Variants in VAPB observed in about 807,000 individuals in gnomAD.
VAPB encodes vesicle-associated membrane protein-associated protein B/C.
A neutral mutation model predicts 25.6 loss-of-function variants in VAPB; 7 were observed. That is an observed-to-expected ratio of 0.27 (90% confidence interval 0.16 to 0.51). The LOEUF (loss-of-function observed/expected upper bound fraction) is 0.51. VAPB is among the 20% of genes least tolerant of loss of function. The pLI is 0.97. For missense variants in VAPB, 266 were observed against 301.3 expected, an observed-to-expected ratio of 0.88 and a Z score of 0.87; for synonymous variants, 112 against 109.2, an observed-to-expected ratio of 1.03 and a Z score of -0.16.
rs1305605443 is a variant in VAPB, at chr20:58,448,250, G to A, written c.*4015G>A. ...CATAAGGCCAACGACCACTCTTCTG[G>A]AACACCAAGAGCAGCTCTGAGATCA... On this transcript the variant is annotated 3_prime_UTR_variant, in exon 6 of 6. Transcript: ENST00000475243. 2.2e-6 allele frequency: 1 copy of A among 453,870 alleles called. No homozygotes were observed. The highest frequency in any genetic ancestry group is 6.9e-5 in the East Asian group (1 of 14,404). The allele number at this position is 453,870 out of a possible 1,614,324, so 28.1% of individuals were successfully genotyped here.
intron 5 of VAPB, among the ~76,000 whole-genome samples, chr20:58,442,672 T>G (rs1048754791): frequency 3.3e-5 from 5 of 152,350 alleles, no homozygotes; most frequent in African/African-American, 1.2e-4. Context: ...TGCCCGGCAC[T>G]GTGGATTCAA....
intron 2 of VAPB, among the ~76,000 whole-genome samples, chr20:58,423,060 T>A (rs1988701153): frequency 6.6e-6 from 1 of 152,154 alleles, no homozygotes; most frequent in Admixed American, 6.5e-5. Flanking sequence ...ATTCCTGACA[T>A]ACAGCCCTTT....
At chr20:58,410,318 A>G (rs1427944328) in intron 1 of VAPB, among the ~76,000 whole-genome samples, 1 of 152,182 alleles carries the variant, frequency 6.6e-6, no homozygotes, top group Non-Finnish European at 1.5e-5. Flanking sequence ...TGTATCCACC[A>G]TTATAATATC....
At chr20:58,414,153 G>C (rs1486370196) in intron 1 of VAPB, among the ~76,000 whole-genome samples, 3 of 130,708 alleles carry the variant, frequency 2.3e-5, no homozygotes, top group African/African-American at 5.7e-5. Flanking sequence ...CCTCCCGGAC[G>C]GGGCGGCTGG....
At chr20:58,428,596 G>A (rs1250877201) in intron 2 of VAPB, among the ~76,000 whole-genome samples, 1 of 151,952 alleles carries the variant, frequency 6.6e-6, no homozygotes, top group Non-Finnish European at 1.5e-5. Context: ...AGGCCAGTCT[G>A]GACAACATAG....
intron 1 of VAPB, among the ~76,000 whole-genome samples, chr20:58,410,439 CAG>C (rs1480299475): frequency 6.6e-6 from 1 of 151,884 alleles, no homozygotes; most frequent in Non-Finnish European, 1.5e-5. Context: ...ATTTTGATAA[CAG>C]AGTCTTGCTC....
intron 1 of VAPB, among the ~76,000 whole-genome samples, chr20:58,392,294 G>T (rs1300493768): frequency 1.3e-5 from 2 of 152,184 alleles, no homozygotes; most frequent in African/African-American, 4.8e-5. Flanking sequence ...TACTTAAGTG[G>T]TTTCATCACT....
At chr20:58,398,680 T>C (rs1468045081) in intron 1 of VAPB, among the ~76,000 whole-genome samples, 1 of 152,238 alleles carries the variant, frequency 6.6e-6, no homozygotes, top group Non-Finnish European at 1.5e-5. Flanking sequence ...ATATGTGACT[T>C]GGCGAGCTTA....
At chr20:58,428,970 A>G (rs1275792417) in intron 2 of VAPB, among the ~76,000 whole-genome samples, 1 of 152,198 alleles carries the variant, frequency 6.6e-6, no homozygotes, top group African/African-American at 2.4e-5. Flanking sequence ...CCACAAGCCA[A>G]GGAGAGCTGG....
rs866005049 is a variant in VAPB at position 58,414,546 on chromosome 20, G to A, written c.59-3665G>A. On this transcript the variant is annotated intron_variant, in intron 1 of 5. Transcript: ENST00000475243. ...CAGAGATGCTCCTCACCTCCCAGACGGGGTCGTGGCCGGGCAGAGGCGCTC... is the reference window on the plus strand; with the variant it reads ...CAGAGATGCTCCTCACCTCCCAGACAGGGTCGTGGCCGGGCAGAGGCGCTC... Among the ~76,000 whole-genome samples the A allele has an allele frequency of 1.4e-4, 21 of 151,922 alleles. No individual in the cohort carries two copies. In the South Asian group the frequency reaches 3.1e-3, roughly 23 times the overall value.
rs1341150026 is a variant in VAPB, at chr20:58,413,855, G to A, written c.59-4356G>A. On this transcript the variant is annotated intron_variant, in intron 1 of 5. Transcript: ENST00000475243. Reference sequence around the variant, plus strand: ...CCGCCACCTCCCTCCCAGATAGGGCGGCTGGCCTGGCAGAGGGGCTCCTCA... The same window carrying A: ...CCGCCACCTCCCTCCCAGATAGGGCAGCTGGCCTGGCAGAGGGGCTCCTCA... 5.3e-5 allele frequency among the ~76,000 whole-genome samples: 7 copies of A among 132,746 alleles called. No individual in the cohort carries two copies. In the South Asian group the frequency reaches 1.3e-3, roughly 24 times the overall value. 87.1% of individuals were successfully genotyped at this position (132,746 alleles called of 152,430 possible). A position where few individuals can be genotyped will look rare whatever the true frequency, so the allele number is the denominator to read the frequency against.
chr20:58,398,177 T>C (rs1026808309), intron 1 of VAPB, among the ~76,000 whole-genome samples: 78 of 152,226 alleles, frequency 5.1e-4, no homozygotes, highest in Non-Finnish European at 1.0e-4. Flanking sequence ...ACAAAGCCTA[T>C]TGTATGATAA....
At chr20:58,444,001 A>G (rs991162845) in intron 5 of VAPB, 76 bp from the exon 6 acceptor site, 63 of 1,608,694 alleles carry the variant, frequency 3.9e-5, no homozygotes, top group Non-Finnish European at 5.3e-5. Context: ...TAAACAGCCC[A>G]TCCCGTTAAG....
At chr20:58,399,249 G>A (rs578230100) in intron 1 of VAPB, among the ~76,000 whole-genome samples, 1 of 151,464 alleles carries the variant, frequency 6.6e-6, no homozygotes, top group Admixed American at 6.6e-5. Context: ...GCAGTGAGCC[G>A]AGATCGTGCC....
At position 58,447,495 on chromosome 20, in the gene VAPB, C is replaced by G. The variant is rs886056819; in HGVS notation, c.*3260C>G. On this transcript the variant is annotated 3_prime_UTR_variant, in exon 6 of 6. Coordinates refer to ENST00000475243, the MANE Select transcript of VAPB (RefSeq NM_004738.5). ...GAAAAATGAAGAACCTCCAGTGATCCGTGAAAACCTAAACGCTTTCAAACA... is the reference window on the plus strand; with the variant it reads ...GAAAAATGAAGAACCTCCAGTGATCGGTGAAAACCTAAACGCTTTCAAACA... 2.2e-5 allele frequency: 10 copies of G among 453,946 alleles called. No individual in the cohort carries two copies. The highest frequency in any genetic ancestry group is 2.1e-4 in the Admixed American group (9 of 42,550). The allele number at this position is 453,946 out of a possible 1,614,324, so 28.1% of individuals were successfully genotyped here. A position where few individuals can be genotyped will look rare whatever the true frequency, so the allele number is the denominator to read the frequency against.
Position 58,444,734 on chromosome 20 carries a change from T to C in VAPB, c.*499T>C, listed in dbSNP as rs1373048598. 1 of 454,534 alleles carries C rather than the reference T, an allele frequency of 2.2e-6. No individual in the cohort carries two copies. The highest frequency in any genetic ancestry group is 2.3e-5 in the Admixed American group (1 of 42,578). 28.2% of individuals were successfully genotyped at this position (454,534 alleles called of 1,614,324 possible). A position where few individuals can be genotyped will look rare whatever the true frequency, so the allele number is the denominator to read the frequency against. On this transcript the variant is annotated 3_prime_UTR_variant, in exon 6 of 6. Coordinates refer to ENST00000475243, the MANE Select transcript of VAPB (RefSeq NM_004738.5). ...CAGTTCTGTCCAAGCCATCAGCTCC[T>C]TGGGACTGATGAACAGAGTCAGAAG...
At chr20:58,392,502 G>GT (rs1371664212) in intron 1 of VAPB, among the ~76,000 whole-genome samples, 3 of 152,208 alleles carry the variant, frequency 2.0e-5, no homozygotes, top group Non-Finnish European at 4.4e-5. Flanking sequence ...GAGGTGTGTT[G>GT]TTTGTTTGTT....
intron 1 of VAPB, among the ~76,000 whole-genome samples, chr20:58,397,358 A>G (rs375722062): frequency 2.0e-5 from 3 of 151,850 alleles, no homozygotes; most frequent in East Asian, 1.9e-4. Context: ...CATCTCTACT[A>G]AAAATACAAA....
chr20:58,402,561 C>CTTTTTTTTTT (rs1568700275), intron 1 of VAPB, among the ~76,000 whole-genome samples: 5 of 112,022 alleles, frequency 4.5e-5, no homozygotes, highest in African/African-American at 3.3e-5. Flanking sequence ...GCCCCCCCAC[C>CTTTTTTTTTT]CTTTTTTTTT....
Sources: gnomAD v4.1 joint callset for allele counts (sites outside exome capture counted in the v4.1 genomes callset) on GRCh38, gnomAD v4.1.1 for gene constraint, MANE v1.5 for transcripts, NCBI Gene and HGNC (gene_info 2026-07-23, HGNC 2026-07-21) for gene names.